The following ITSN1 variants were observed in gnomAD, a reference collection of about 807,000 sequenced individuals.
The protein encoded by ITSN1 is intersectin 1, also known as intersectin-1.
A neutral mutation model predicts 239.8 loss-of-function variants in ITSN1; 58 were observed. The observed-to-expected ratio is 0.24, with a 90% confidence interval of 0.20 to 0.30. ITSN1 has a LOEUF of 0.30. Ranked by LOEUF, ITSN1 falls within the 10% of genes least tolerant of loss-of-function variation. The probability of loss-of-function intolerance (pLI) is 1.00; values close to 1 mark genes in which losing one functional copy is unlikely to be tolerated. For synonymous variants in ITSN1, 780 were observed against 770.8 expected, an observed-to-expected ratio of 1.01 and a Z score of -0.20; for missense variants, 1,558 against 2,103.3, an observed-to-expected ratio of 0.74 and a Z score of 5.07.
At chr21:33,867,797 C>T (rs988754404) in intron 33 of ITSN1, among the ~76,000 whole-genome samples, 2 of 151,498 alleles carry the variant, frequency 1.3e-5, no homozygotes, top group Admixed American at 6.6e-5. Flanking sequence ...CAGATGTGTT[C>T]GGAGTTTCTT....
chr21:33,772,153 G>T lies in ITSN1; in HGVS notation c.1135G>T (p.Glu379Ter). The T allele has an allele frequency of 6.2e-7, 1 of 1,614,224 alleles. No individual in the cohort carries two copies. The highest frequency in any genetic ancestry group is 8.5e-7 in the Non-Finnish European group (1 of 1,180,040). ...RQALLEQQRKEQERLAQLERA... is the reference protein window; with the variant it reads ...RQALLEQQRK ...AGCTCTCCTGGAACAGCAGCGCAAG[G>T]AGCAGGAGCGCCTGGCCCAGCTGGA... The change falls in exon 12 of 40, where the codon GAG becomes TAG. Residue 379 changes from glutamate to a stop codon, truncating the protein, a stop_gained. Transcript: ENST00000381318. LOFTEE classifies it high-confidence loss of function.
chr21:33,702,147 G>A (rs2092050889), intron 1 of ITSN1, among the ~76,000 whole-genome samples: 1 of 149,150 alleles, frequency 6.7e-6, no homozygotes, highest in East Asian at 2.0e-4. Context: ...ACGGAGTCTT[G>A]CTCCGTTGCT....
chr21:33,706,997 A>C (rs1041076312), intron 1 of ITSN1, among the ~76,000 whole-genome samples: 7 of 152,218 alleles, frequency 4.6e-5, no homozygotes, highest in African/African-American at 1.7e-4. Flanking sequence ...TGCTGGGATT[A>C]CAGGTGTGAG....
At chr21:33,706,663 C>T (rs1203179382) in intron 1 of ITSN1, among the ~76,000 whole-genome samples, 1 of 152,180 alleles carries the variant, frequency 6.6e-6, no homozygotes, top group Non-Finnish European at 1.5e-5. Flanking sequence ...TTCCTATTCA[C>T]AATCTGAGAT....
intron 1 of ITSN1, among the ~76,000 whole-genome samples, chr21:33,681,640 TA>T (rs2090961853): frequency 6.6e-6 from 1 of 151,218 alleles, no homozygotes; most frequent in Non-Finnish European, 1.5e-5. Context: ...TATTTTATTT[TA>T]TTTTATTTTA....
intron 26 of ITSN1, among the ~76,000 whole-genome samples, chr21:33,827,792 G>A (rs1368498538): frequency 6.6e-6 from 1 of 152,200 alleles, no homozygotes; most frequent in Non-Finnish European, 1.5e-5. Context: ...CCTGGTCTAG[G>A]TCATTTGAAC....
chr21:33,752,202 G>A (rs1257067769), intron 7 of ITSN1, among the ~76,000 whole-genome samples: 1 of 151,490 alleles, frequency 6.6e-6, no homozygotes, highest in Non-Finnish European at 1.5e-5. Context: ...AAAACAGTAA[G>A]ATAAAATTCT....
intron 3 of ITSN1, 134 bp from the exon 4 acceptor site, chr21:33,722,454 T>A: frequency 4.3e-6 from 5 of 1,149,616 alleles, no homozygotes; most frequent in Non-Finnish European, 5.8e-6. Context: ...ATCCTTGGAC[T>A]TTTATAATGC....
chr21:33,876,948 A>G (rs1448122143), intron 34 of ITSN1, among the ~76,000 whole-genome samples: 3 of 149,548 alleles, frequency 2.0e-5, no homozygotes, highest in Non-Finnish European at 4.4e-5. Context: ...TATGGGTGTT[A>G]TTGTTTTGTC....
intron 20 of ITSN1, 128 bp downstream of exon 20, chr21:33,802,572 T>C (rs1220662374): frequency 1.5e-5 from 13 of 886,570 alleles, no homozygotes; most frequent in East Asian, 2.5e-5. Flanking sequence ...TGTTTGAGTC[T>C]GTGTAGTAGG....
intron 28 of ITSN1, among the ~76,000 whole-genome samples, chr21:33,836,236 G>T (rs1340353974): frequency 6.6e-6 from 1 of 152,176 alleles, no homozygotes. Context: ...TAAAGACTTA[G>T]TGTGAAAATT....
chr21:33,765,648 G>T (rs1602098868), intron 9 of ITSN1, among the ~76,000 whole-genome samples: 1 of 152,172 alleles, frequency 6.6e-6, no homozygotes. Context: ...GGTTGGGGAA[G>T]AGTATCATTA....
At chr21:33,781,939 T>A in intron 15 of ITSN1, 55 bp from the exon 16 acceptor site, 3 of 1,488,798 alleles carry the variant, frequency 2.0e-6, no homozygotes, top group Non-Finnish European at 2.7e-6. Flanking sequence ...TAAAAAACAT[T>A]TTCCTCACTG....
chr21:33,645,833 A>T (rs1353507922), intron 1 of ITSN1, among the ~76,000 whole-genome samples: 1 of 152,202 alleles, frequency 6.6e-6, no homozygotes, highest in Non-Finnish European at 1.5e-5. Flanking sequence ...ATCTCCTGAG[A>T]CTAGCTCCTG....
rs578003572 is a variant in ITSN1, at chr21:33,752,401, A to G, written c.623+495A>G. Among the ~76,000 whole-genome samples the G allele has an allele frequency of 3.3e-5, 5 of 152,338 alleles. No homozygotes were observed. In the East Asian group the frequency reaches 5.8e-4, roughly 18 times the overall value. On this transcript the variant is annotated intron_variant, in intron 7 of 39. Coordinates refer to ENST00000381318, the MANE Select transcript of ITSN1 (RefSeq NM_003024.3). ...AAGACGATTTATTATGAAAAGAATTATCCAGATAGTGGACAATTCACATTA... is the reference window on the plus strand; with the variant it reads ...AAGACGATTTATTATGAAAAGAATTGTCCAGATAGTGGACAATTCACATTA...
At chr21:33,884,642 A>G (rs1290418260) in intron 36 of ITSN1, among the ~76,000 whole-genome samples, 2 of 152,204 alleles carry the variant, frequency 1.3e-5, no homozygotes, top group East Asian at 3.8e-4. Flanking sequence ...AGTGGTTCCC[A>G]ATCTGGGAAG....
intron 16 of ITSN1, among the ~76,000 whole-genome samples, chr21:33,782,646 C>T (rs2070292005): frequency 1.3e-5 from 2 of 152,116 alleles, no homozygotes; most frequent in South Asian, 4.1e-4. Context: ...AATGCCAAAA[C>T]TCTGAGGAAA....
intron 10 of ITSN1, among the ~76,000 whole-genome samples, chr21:33,766,737 A>G (rs1317071954): frequency 1.3e-5 from 2 of 152,250 alleles, no homozygotes; most frequent in African/African-American, 4.8e-5. Context: ...GAGCAAGCTG[A>G]GGAAACTGTG....
At chr21:33,729,271 T>G (rs2066017292) in intron 4 of ITSN1, among the ~76,000 whole-genome samples, 1 of 151,932 alleles carries the variant, frequency 6.6e-6, no homozygotes, top group Non-Finnish European at 1.5e-5. Context: ...GGCAACATAG[T>G]GAGACCCCGT....
Sources: gnomAD v4.1 joint callset for allele counts (sites outside exome capture counted in the v4.1 genomes callset) on GRCh38, gnomAD v4.1.1 for gene constraint, MANE v1.5 for transcripts, NCBI Gene and HGNC (gene_info 2026-07-23, HGNC 2026-07-21) for gene names.